Variants in CHD9 observed in about 807,000 individuals in gnomAD.
The protein encoded by CHD9 is chromodomain helicase DNA binding protein 9.
In CHD9, 77 loss-of-function variants were observed where a neutral mutation model predicts 316.1. The ratio of observed to expected loss-of-function variants is 0.24; its 90% CI spans 0.20 to 0.29. CHD9 has a LOEUF of 0.29. Among genes scored for constraint, CHD9 ranks in the 10% least tolerant of loss-of-function variants. CHD9 has a pLI of 1.00. For missense variants in CHD9, 2,763 were observed against 3,438.1 expected, an observed-to-expected ratio of 0.80 and a Z score of 4.91; for synonymous variants, 1,129 against 1,158.3, an observed-to-expected ratio of 0.97 and a Z score of 0.51.
chr16:53,312,061 T>C (rs2056516220), intron 34 of CHD9: 1 of 152,162 alleles, frequency 6.6e-6, no homozygotes, highest in African/African-American at 2.4e-5. Flanking sequence ...CAGAAATAAG[T>C]CAGGGTAGTA....
intron 2 of CHD9, among the ~76,000 whole-genome samples, chr16:53,179,461 T>A (rs182121743): frequency 1.3e-5 from 2 of 152,358 alleles, no homozygotes; most frequent in Non-Finnish European, 2.9e-5. Context: ...TACATATTTA[T>A]GTCCCTCTGC....
chr16:53,124,760 G>A (rs1370550845), intron 1 of CHD9, among the ~76,000 whole-genome samples: 1 of 152,010 alleles, frequency 6.6e-6, no homozygotes, highest in East Asian at 1.9e-4. Flanking sequence ...GATTACAGGT[G>A]TGAGCCACCA....
intron 1 of CHD9, among the ~76,000 whole-genome samples, chr16:53,082,634 C>T (rs2035131073): frequency 6.6e-6 from 1 of 152,224 alleles, no homozygotes; most frequent in South Asian, 2.1e-4. Context: ...CTGTTGGTCC[C>T]TTACTTGGCC....
chr16:53,163,329 G>A (rs1414848925), intron 2 of CHD9, among the ~76,000 whole-genome samples: 2 of 152,098 alleles, frequency 1.3e-5, no homozygotes, highest in East Asian at 3.9e-4. Context: ...TCCTGCCTCA[G>A]CCTCCCAAAT....
chr16:53,317,884 A>G (rs534180087), intron 36 of CHD9, among the ~76,000 whole-genome samples: 11 of 151,916 alleles, frequency 7.2e-5, no homozygotes, highest in African/African-American at 2.2e-4. Context: ...CAAAACTTTC[A>G]TCTCTACAAA....
chr16:53,252,746 T>C (rs918734899), intron 17 of CHD9, among the ~76,000 whole-genome samples: 1 of 144,140 alleles, frequency 6.9e-6, no homozygotes, highest in African/African-American at 2.5e-5. Flanking sequence ...AGGACATGAA[T>C]AGACAATTAT....
intron 36 of CHD9, 129 bp downstream of exon 36, chr16:53,315,173 G>A: frequency 1.5e-6 from 1 of 654,790 alleles, no homozygotes; most frequent in African/African-American, 1.8e-5. Flanking sequence ...AGAATTAGCA[G>A]AAAAAATAAT....
At chr16:53,226,949 G>T (rs1333050127) in intron 5 of CHD9, among the ~76,000 whole-genome samples, 1 of 152,104 alleles carries the variant, frequency 6.6e-6, no homozygotes, top group African/African-American at 2.4e-5. Flanking sequence ...TCTGTTTTAT[G>T]AACACGTTTG....
chr16:53,120,349 C>A (rs1034127443), intron 1 of CHD9, among the ~76,000 whole-genome samples: 2 of 152,208 alleles, frequency 1.3e-5, no homozygotes, highest in African/African-American at 4.8e-5. Flanking sequence ...TGTGGTGGCT[C>A]ACGCCTGTAA....
chr16:53,237,156 TAAC>T (rs2048703841), intron 11 of CHD9, among the ~76,000 whole-genome samples: 1 of 152,168 alleles, frequency 6.6e-6, no homozygotes, highest in Non-Finnish European at 1.5e-5. Flanking sequence ...TCTTGGTTAA[TAAC>T]AACACAATTC....
intron 1 of CHD9, among the ~76,000 whole-genome samples, chr16:53,147,785 T>C (rs2040750469): frequency 6.6e-6 from 1 of 152,230 alleles, no homozygotes; most frequent in Admixed American, 6.5e-5. Flanking sequence ...ATAATGCTGC[T>C]ATGAGTGTTC....
intron 1 of CHD9, among the ~76,000 whole-genome samples, chr16:53,141,327 A>G (rs1434111293): frequency 6.6e-6 from 1 of 152,214 alleles, no homozygotes; most frequent in Non-Finnish European, 1.5e-5. Flanking sequence ...CAGAGCCTGT[A>G]AAACTGTGCT....
At chr16:53,208,587 G>A (rs924942453) in intron 2 of CHD9, 82 of 1,006,392 alleles carry the variant, frequency 8.1e-5, no homozygotes, top group Non-Finnish European at 9.3e-5. Flanking sequence ...GTGCTGCTAT[G>A]AAACCTTTGA....
intron 1 of CHD9, among the ~76,000 whole-genome samples, chr16:53,103,155 CT>C: frequency 1.4e-5 from 1 of 73,500 alleles, no homozygotes; most frequent in East Asian, 4.0e-4. Flanking sequence ...CTGACCCTGT[CT>C]CTTTAAAAAA....
Position 53,146,417 on chromosome 16 carries a change from A to ATG in CHD9, c.-164-9507_-164-9506dup, listed in dbSNP as rs1232078327. Among the ~76,000 whole-genome samples the ATG allele has an allele frequency of 8.6e-4, 57 of 65,896 alleles. 3 individuals carry two copies. Among genetic ancestry groups the ATG allele is most frequent in the African/African-American group, 3.2e-3 (46 of 14,424 alleles). 43.2% of individuals were successfully genotyped at this position (65,896 alleles called of 152,430 possible). ...AAAAAAAAAAATTGTGTGTGTGTGT[A>ATG]TGTATATATATATATATATAATTAA... On this transcript the variant is annotated intron_variant, in intron 1 of 38. Transcript: ENST00000447540.
At chr16:53,105,136 C>T (rs937729019) in intron 1 of CHD9, among the ~76,000 whole-genome samples, 5 of 152,110 alleles carry the variant, frequency 3.3e-5, no homozygotes, top group Admixed American at 2.0e-4. Context: ...AGTCACCACG[C>T]GCAGCCTCTT....
intron 24 of CHD9, among the ~76,000 whole-genome samples, chr16:53,276,117 C>A (rs1434679092): frequency 6.6e-6 from 1 of 152,170 alleles, no homozygotes; most frequent in Non-Finnish European, 1.5e-5. Flanking sequence ...CCCCTCTTTC[C>A]TCATTATTCA....
chr16:53,099,757 A>G (rs1306043278), intron 1 of CHD9, among the ~76,000 whole-genome samples: 4 of 152,016 alleles, frequency 2.6e-5, no homozygotes, highest in Non-Finnish European at 5.9e-5. Context: ...CTTGACCTAT[A>G]TTCCGTTCTC....
Position 53,324,934 on chromosome 16 carries a change from A to AT in CHD9, c.*45dup, listed in dbSNP as rs974039999. 1 of 1,493,818 alleles carries AT rather than the reference A, an allele frequency of 6.7e-7. No homozygotes were observed. Among genetic ancestry groups the AT allele is most frequent in the Non-Finnish European group, 8.9e-7 (1 of 1,120,898 alleles). The allele number at this position is 1,493,818 out of a possible 1,614,324, so 92.5% of individuals were successfully genotyped here. On this transcript the variant is annotated 3_prime_UTR_variant, in exon 39 of 39. Transcript: ENST00000447540. ...CACTTAAAATATGAACTGATTTTGGATTTTTTCTTTAATAATTAATTGTAA... is the reference window on the plus strand; with the variant it reads ...CACTTAAAATATGAACTGATTTTGGATTTTTTTCTTTAATAATTAATTGTAA...
Sources: gnomAD v4.1 joint callset for allele counts (sites outside exome capture counted in the v4.1 genomes callset) on GRCh38, gnomAD v4.1.1 for gene constraint, MANE v1.5 for transcripts, NCBI Gene and HGNC (gene_info 2026-07-23, HGNC 2026-07-21) for gene names.